Variants in ACSM2B observed in about 807,000 individuals in gnomAD.
ACSM2B encodes acyl-coenzyme A synthetase ACSM2B, mitochondrial.
A neutral mutation model predicts 78.6 loss-of-function variants in ACSM2B; 58 were observed. That is an observed-to-expected ratio of 0.74 (90% CI 0.60 to 0.92). ACSM2B has a LOEUF of 0.92. Ranked by LOEUF, ACSM2B falls within the 40% of genes least tolerant of loss-of-function variation. The probability of loss-of-function intolerance (pLI) is 0.00; values close to 1 mark genes in which losing one functional copy is unlikely to be tolerated. For synonymous variants in ACSM2B, 257 were observed against 256.8 expected, an observed-to-expected ratio of 1.00 and a Z score of -0.01; for missense variants, 688 against 711.2, an observed-to-expected ratio of 0.97 and a Z score of 0.37.
intron 1 of ACSM2B, among the ~76,000 whole-genome samples, chr16:20,567,173 T>C (rs1201996887): frequency 7.5e-6 from 1 of 133,770 alleles, no homozygotes; most frequent in Admixed American, 8.7e-5. Context: ...ATATTATATA[T>C]AATACTATTA....
chr16:20,574,741 C>G (rs1192930540), intron 1 of ACSM2B: 2 of 149,428 alleles, frequency 1.3e-5, no homozygotes, highest in Non-Finnish European at 2.9e-5. Context: ...AGGTCAGCCA[C>G]TAACATGATA....
At chr16:20,568,478 C>T (rs895094438) in intron 1 of ACSM2B, among the ~76,000 whole-genome samples, 2 of 149,924 alleles carry the variant, frequency 1.3e-5, no homozygotes, top group African/African-American at 4.9e-5. Context: ...GATTGACAGG[C>T]ATTTGGGCTG....
intron 1 of ACSM2B, among the ~76,000 whole-genome samples, chr16:20,569,381 T>G (rs1246669681): frequency 1.3e-5 from 2 of 151,952 alleles, no homozygotes; most frequent in Non-Finnish European, 2.9e-5. Flanking sequence ...TGTAAATATT[T>G]GGGTTTATTT....
At chr16:20,558,149 C>T (rs1377413212) in intron 3 of ACSM2B, among the ~76,000 whole-genome samples, 1 of 152,128 alleles carries the variant, frequency 6.6e-6, no homozygotes. Flanking sequence ...TTATGGTAAA[C>T]CCTAAGACTG....
At chr16:20,553,678 A>G in intron 5 of ACSM2B, 99 bp downstream of exon 5, 2 of 1,516,232 alleles carry the variant, frequency 1.3e-6, no homozygotes, top group Non-Finnish European at 1.8e-6. Context: ...TCTCAGAACC[A>G]CAAGGTGGTG....
chr16:20,569,131 C>A (rs555596462), intron 1 of ACSM2B, among the ~76,000 whole-genome samples: 2 of 151,948 alleles, frequency 1.3e-5, no homozygotes, highest in African/African-American at 4.8e-5. Flanking sequence ...GTCATAAAAT[C>A]TTTGCCTAAA....
At chr16:20,559,671 T>A (rs1246512361) in intron 2 of ACSM2B, among the ~76,000 whole-genome samples, 2 of 151,214 alleles carry the variant, frequency 1.3e-5, no homozygotes, top group Non-Finnish European at 2.9e-5. Context: ...TTTGTAAATG[T>A]ATGCTTTTAG....
chr16:20,540,320 G>C (rs2014953816), intron 13 of ACSM2B, among the ~76,000 whole-genome samples: 2 of 148,402 alleles, frequency 1.3e-5, no homozygotes, highest in Non-Finnish European at 3.0e-5. Flanking sequence ...TCGGCTCACT[G>C]TAACCTACAC....
intron 13 of ACSM2B, among the ~76,000 whole-genome samples, chr16:20,539,133 C>G (rs2014922096): frequency 6.7e-6 from 1 of 149,200 alleles, no homozygotes; most frequent in Admixed American, 6.7e-5. Context: ...GGCTGGAGTT[C>G]CCATTGAGAC....
At chr16:20,573,896 G>A (rs1404607964) in intron 1 of ACSM2B, among the ~76,000 whole-genome samples, 721 of 150,024 alleles carry the variant, frequency 4.8e-3, no homozygotes, top group South Asian at 0.02. Context: ...AATTACTGAT[G>A]AGGGTCTATG....
rs548573759 is a variant in ACSM2B, at chr16:20,537,075, T to C, written c.*183A>G. 18 of 684,280 alleles carry C rather than the reference T, an allele frequency of 2.6e-5. No homozygotes were observed. The East Asian group carries it at 5.0e-4, about 19-fold the overall frequency. The allele number at this position is 684,280 out of a possible 1,614,324, so 42.4% of individuals were successfully genotyped here. A position where few individuals can be genotyped will look rare whatever the true frequency, so the allele number is the denominator to read the frequency against. On this transcript the variant is annotated 3_prime_UTR_variant, in exon 14 of 14. Coordinates refer to ENST00000329697, the MANE Select transcript of ACSM2B (RefSeq NM_001105069.2). ...ACCCTCTCCTTTTCACTCTCTCTCA[T>C]TCCTTCCCTTTCTTATTTCAATATC...
intron 5 of ACSM2B, 37 bp downstream of exon 5, chr16:20,553,740 C>T (rs1200836275): frequency 6.3e-7 from 1 of 1,599,768 alleles, no homozygotes; most frequent in Non-Finnish European, 8.5e-7. Flanking sequence ...CATGCCTGGT[C>T]ATGCAATTCT....
At chr16:20,557,600 G>C (rs1220859798) in intron 3 of ACSM2B, among the ~76,000 whole-genome samples, 2 of 152,150 alleles carry the variant, frequency 1.3e-5, no homozygotes, top group African/African-American at 2.4e-5. Flanking sequence ...TCAATGGTTT[G>C]AGTGTCACTC....
At chr16:20,554,723 T>C (rs1016003691) in intron 4 of ACSM2B, among the ~76,000 whole-genome samples, 16 of 152,224 alleles carry the variant, frequency 1.1e-4, no homozygotes, top group African/African-American at 3.6e-4. Flanking sequence ...ACTTGGTATA[T>C]CAGCCATCTC....
rs772648780 is a variant in ACSM2B at position 20,542,944 on chromosome 16, C to G, written c.1479G>C (p.Val493=). ...CTCGGACGGGGTCTGGGCTGCTGAT[C>G]ACAGCCGTCTCAACCACAGCAGGGT... The part of the protein sequence containing the change: ...MKHPAVVETA[V]ISSPDPVRGE... The change falls in exon 12 of 14, where the codon GTG becomes GTC. Residue 493 remains valine, a synonymous_variant. Transcript: ENST00000329697. The G allele has an allele frequency of 8.1e-6, 13 of 1,613,642 alleles. No homozygotes were observed. Among genetic ancestry groups the G allele is most frequent in the Admixed American group, 1.7e-5 (1 of 59,986 alleles).
chr16:20,556,768 T>A (rs1223646766), intron 3 of ACSM2B, among the ~76,000 whole-genome samples: 1 of 152,138 alleles, frequency 6.6e-6, no homozygotes, highest in Non-Finnish European at 1.5e-5. Flanking sequence ...TATCCTCAAA[T>A]GTTTCTCTAC....
chr16:20,568,859 T>C (rs1158680577), intron 1 of ACSM2B, among the ~76,000 whole-genome samples: 1 of 151,878 alleles, frequency 6.6e-6, no homozygotes, highest in Non-Finnish European at 1.5e-5. Flanking sequence ...GGATCTTCTT[T>C]TGAGAATTGT....
At chr16:20,544,738 C>T in intron 10 of ACSM2B, 6 of 986,060 alleles carry the variant, frequency 6.1e-6, no homozygotes, top group Non-Finnish European at 7.2e-6. Flanking sequence ...GATAGGGATT[C>T]CTCCAACTAG....
chr16:20,544,687 A>C (rs1039937239), intron 10 of ACSM2B: 1 of 985,160 alleles, frequency 1.0e-6, no homozygotes, highest in Non-Finnish European at 1.2e-6. Flanking sequence ...TGAGGTGGCC[A>C]GATTCAAGGA....
Sources: gnomAD v4.1 joint callset for allele counts (sites outside exome capture counted in the v4.1 genomes callset) on GRCh38, gnomAD v4.1.1 for gene constraint, MANE v1.5 for transcripts, NCBI Gene and HGNC (gene_info 2026-07-23, HGNC 2026-07-21) for gene names.